Variants in TRAK2 observed in about 807,000 individuals in gnomAD.
TRAK2 encodes the protein trafficking kinesin protein 2.
A neutral mutation model predicts 104.6 loss-of-function variants in TRAK2; 81 were observed. The ratio of observed to expected loss-of-function variants is 0.77; its 90% CI spans 0.65 to 0.93. The LOEUF (loss-of-function observed/expected upper bound fraction) is 0.93. Ranked by LOEUF, TRAK2 falls within the 40% of genes least tolerant of loss-of-function variation. The pLI, the probability that TRAK2 is intolerant of heterozygous loss-of-function variation, is 0.00. For synonymous variants in TRAK2, 406 were observed against 394.4 expected (o/e 1.03, Z -0.35); for missense variants, 1,002 against 1,089.0 (o/e 0.92, Z 1.12).
At chr2:201,403,122 G>C (rs1197972171) in intron 3 of TRAK2, among the ~76,000 whole-genome samples, 1 of 151,636 alleles carries the variant, frequency 6.6e-6, no homozygotes, top group African/African-American at 2.4e-5. Context: ...GAAAGGGGAA[G>C]AAAAAAATGA....
chr2:201,389,605 A>G, intron 11 of TRAK2, 102 bp from the exon 12 acceptor site: 1 of 1,191,546 alleles, frequency 8.4e-7, no homozygotes, highest in Non-Finnish European at 1.2e-6. Context: ...CACCCTGAGG[A>G]GCTATTTAGG....
rs1951662223 is a variant in TRAK2 at position 201,413,098 on chromosome 2, G to A, written c.92-5501C>T. 10 of 992,568 alleles carry A rather than the reference G, an allele frequency of 1.0e-5. 1 individual carries two copies. The highest frequency in any genetic ancestry group is 4.0e-5 in the Admixed American group (2 of 49,730). 61.5% of individuals were successfully genotyped at this position (992,568 alleles called of 1,614,324 possible). A position where few individuals can be genotyped will look rare whatever the true frequency, so the allele number is the denominator to read the frequency against. On this transcript the variant is annotated intron_variant, in intron 2 of 15. Transcript: ENST00000332624. The stretch of plus-strand genomic sequence containing the variant: ...GATCCTTTTCAAATTTTTGATATTT[G>A]TCAATCATTTTTTATCAAAGACAAA...
intron 3 of TRAK2, among the ~76,000 whole-genome samples, chr2:201,403,109 G>A (rs947781563): frequency 3.3e-5 from 5 of 152,086 alleles, no homozygotes; most frequent in Non-Finnish European, 7.4e-5. Context: ...AGTCATATAT[G>A]ATGAAAGGGG....
chr2:201,395,123 A>G, intron 8 of TRAK2, 191 bp downstream of exon 8: 1 of 641,772 alleles, frequency 1.6e-6, no homozygotes, highest in African/African-American at 1.8e-5. Flanking sequence ...TACAAAGAGA[A>G]ATAATGACTT....
At chr2:201,423,910 T>C (rs1298078572) in intron 1 of TRAK2, among the ~76,000 whole-genome samples, 1 of 152,226 alleles carries the variant, frequency 6.6e-6, no homozygotes, top group Non-Finnish European at 1.5e-5. Context: ...GAAATATGTT[T>C]GCCAGTATAG....
intron 1 of TRAK2, among the ~76,000 whole-genome samples, chr2:201,432,071 A>G (rs1254685967): frequency 2.0e-5 from 3 of 152,214 alleles, no homozygotes; most frequent in Non-Finnish European, 4.4e-5. Context: ...GTACTATTTT[A>G]TAATTATTAT....
chr2:201,437,818 T>C (rs1452538914), intron 1 of TRAK2, among the ~76,000 whole-genome samples: 1 of 152,186 alleles, frequency 6.6e-6, no homozygotes, highest in Non-Finnish European at 1.5e-5. Flanking sequence ...ACTCTCAGCA[T>C]ACCGGTCCTT....
chr2:201,417,074 TA>T, intron 2 of TRAK2, among the ~76,000 whole-genome samples: 1 of 151,046 alleles, frequency 6.6e-6, no homozygotes, highest in East Asian at 1.9e-4. Context: ...CCACATTAAC[TA>T]CACAGTTAAA....
chr2:201,434,239 G>A (rs1200395703), intron 1 of TRAK2, among the ~76,000 whole-genome samples: 2 of 151,996 alleles, frequency 1.3e-5, no homozygotes, highest in African/African-American at 2.4e-5. Flanking sequence ...TTACAGGCGT[G>A]AGCCACTGCG....
At chr2:201,412,528 T>C (rs1228541251) in intron 2 of TRAK2, 1 of 1,211,076 alleles carries the variant, frequency 8.3e-7, no homozygotes, top group African/African-American at 1.5e-5. Flanking sequence ...ATGTTTCCTT[T>C]TATTAAATAC....
intron 2 of TRAK2, among the ~76,000 whole-genome samples, chr2:201,418,978 T>TA (rs1951716542): frequency 6.6e-6 from 1 of 152,220 alleles, no homozygotes; most frequent in South Asian, 2.1e-4. Context: ...ACAAAGGACT[T>TA]ACATCTAGAA....
At chr2:201,402,717 G>A (rs1424102513) in intron 3 of TRAK2, among the ~76,000 whole-genome samples, 1 of 152,058 alleles carries the variant, frequency 6.6e-6, no homozygotes, top group Non-Finnish European at 1.5e-5. Flanking sequence ...CAAAATTATG[G>A]GAAAAATATA....
chr2:201,399,526 G>T, intron 4 of TRAK2, 33 bp from the exon 5 acceptor site: 1 of 1,538,524 alleles, frequency 6.5e-7, no homozygotes, highest in Non-Finnish European at 9.0e-7. Context: ...TTTTCTTTGA[G>T]TATAAACAAG....
chr2:201,396,442 TCTTATCTGTC>T (rs1310524594), intron 7 of TRAK2, among the ~76,000 whole-genome samples: 2 of 152,160 alleles, frequency 1.3e-5, no homozygotes, highest in Non-Finnish European at 2.9e-5. Context: ...AGTAGTCCCC[TCTTATCTGTC>T]GGGAATACAT....
chr2:201,434,366 C>A (rs1465320151), intron 1 of TRAK2, among the ~76,000 whole-genome samples: 2 of 152,110 alleles, frequency 1.3e-5, no homozygotes, highest in Admixed American at 1.3e-4. Context: ...GCACTGCTTT[C>A]AGGGACAAAA....
chr2:201,380,376 C>A lies in TRAK2; in HGVS notation c.*167G>T. The A allele has an allele frequency of 1.4e-6, 1 of 719,946 alleles. No individual in the cohort carries two copies. The highest frequency in any genetic ancestry group is 2.9e-5 in the Admixed American group (1 of 34,742). The allele number at this position is 719,946 out of a possible 1,614,324, so 44.6% of individuals were successfully genotyped here. The stretch of plus-strand genomic sequence containing the variant: ...ATACTTTCAATTTGCCCGACTTCCT[C>A]CATTAGGGCTCATCCCAATTTTATT... On this transcript the variant is annotated 3_prime_UTR_variant, in exon 16 of 16. Transcript: ENST00000332624.
chr2:201,432,258 G>A (rs983348482), intron 1 of TRAK2, among the ~76,000 whole-genome samples: 6 of 152,120 alleles, frequency 3.9e-5, no homozygotes, highest in African/African-American at 1.4e-4. Flanking sequence ...TAAACCAAAA[G>A]CTTACACAGA....
intron 7 of TRAK2, among the ~76,000 whole-genome samples, chr2:201,396,851 T>C (rs1576512203): frequency 1.3e-5 from 2 of 152,252 alleles, no homozygotes; most frequent in East Asian, 1.9e-4. Flanking sequence ...CTCAGAATGG[T>C]TCGCGATTTG....
chr2:201,406,164 T>C (rs1358285503), intron 3 of TRAK2, among the ~76,000 whole-genome samples: 1 of 152,234 alleles, frequency 6.6e-6, no homozygotes, highest in Non-Finnish European at 1.5e-5. Context: ...AATTTAGCTA[T>C]TTAAAAGAAA....
Sources: gnomAD v4.1 joint callset for allele counts (sites outside exome capture counted in the v4.1 genomes callset) on GRCh38, gnomAD v4.1.1 for gene constraint, MANE v1.5 for transcripts, NCBI Gene and HGNC (gene_info 2026-07-23, HGNC 2026-07-21) for gene names.